The following PRTFDC1 variants were observed in gnomAD, a reference collection of about 807,000 sequenced individuals.
PRTFDC1 encodes the protein phosphoribosyltransferase domain-containing protein 1.
PRTFDC1 carries 38 observed loss-of-function variants against 34.6 expected under a neutral mutation model. The observed-to-expected ratio is 1.10, with a 90% CI of 0.85 to 1.44. PRTFDC1 has a LOEUF of 1.44. PRTFDC1 is among the 40% of genes most tolerant of loss of function. The pLI, the probability that PRTFDC1 is intolerant of heterozygous loss-of-function variation, is 0.00. For missense variants in PRTFDC1, 270 were observed against 283.0 expected (o/e 0.95, Z 0.33); for synonymous variants, 93 against 98.1 (o/e 0.95, Z 0.31).
At chr10:24,934,473 A>G (rs1236886251) in intron 3 of PRTFDC1, among the ~76,000 whole-genome samples, 1 of 152,196 alleles carries the variant, frequency 6.6e-6, no homozygotes, top group East Asian at 1.9e-4. Context: ...TGCTGATAGA[A>G]TAGACCCCTT....
In PRTFDC1 at chr10:24,943,252, A is replaced by G. The variant is rs182288353; in HGVS notation, c.49-816T>C. On this transcript the variant is annotated intron_variant, in intron 1 of 8. Coordinates refer to ENST00000320152, the MANE Select transcript of PRTFDC1 (RefSeq NM_020200.7). The stretch of plus-strand genomic sequence containing the variant: ...AGTAGACCCAAACTTTTGAATGTCT[A>G]GTCACTATAGTAAAGACTTTAAAAG... 4.1e-3 allele frequency among the ~76,000 whole-genome samples: 625 copies of G among 152,230 alleles called. 7 individuals carry two copies. Among genetic ancestry groups the G allele is most frequent in the African/African-American group, 0.014 (566 of 41,536 alleles).
intron 1 of PRTFDC1, among the ~76,000 whole-genome samples, chr10:24,946,473 C>G (rs1399164499): frequency 1.3e-5 from 2 of 152,018 alleles, no homozygotes; most frequent in Admixed American, 6.5e-5. Context: ...ACAAATGAAA[C>G]AAACCTATAA....
At chr10:24,858,487 A>C in intron 4 of PRTFDC1, 78 bp from the exon 5 acceptor site, 1 of 1,476,442 alleles carries the variant, frequency 6.8e-7, no homozygotes, top group South Asian at 1.1e-5. Flanking sequence ...TTTTGCTTAT[A>C]GTTAGAATTT....
At chr10:24,849,924 T>C (rs1296844082) in intron 8 of PRTFDC1, 33 bp from the exon 9 acceptor site, 2 of 1,608,852 alleles carry the variant, frequency 1.2e-6, no homozygotes, top group African/African-American at 2.7e-5. Context: ...CGCATCAGTT[T>C]CTTAACAAAA....
chr10:24,952,412 G>A lies in PRTFDC1; in HGVS notation c.48+116C>T, dbSNP rs1588631545. The A allele has an allele frequency of 4.6e-5, 57 of 1,226,468 alleles. 1 individual carries two copies. In the South Asian group the frequency reaches 7.5e-4, roughly 16 times the overall value. The allele number at this position is 1,226,468 out of a possible 1,614,324, so 76.0% of individuals were successfully genotyped here. On this transcript the variant is annotated intron_variant, in intron 1 of 8. Transcript: ENST00000320152. This position sits in a 1 kb window ranked among gnomAD's most constrained non-coding sequence, Gnocchi z 5.1. Reference sequence around the variant, plus strand: ...TGGAAGCGATCCCCGCCGGGAGGGAGAACAAAGCGGTGGCCCTCTCTCTCC... The same window carrying A: ...TGGAAGCGATCCCCGCCGGGAGGGAAAACAAAGCGGTGGCCCTCTCTCTCC...
chr10:24,936,611 C>T (rs1849055213), intron 3 of PRTFDC1, among the ~76,000 whole-genome samples: 1 of 152,160 alleles, frequency 6.6e-6, no homozygotes, highest in Admixed American at 6.5e-5. Flanking sequence ...AGAATAATTC[C>T]ATTAATTCTG....
chr10:24,888,816 A>G (rs1848213529), intron 3 of PRTFDC1, among the ~76,000 whole-genome samples: 1 of 152,220 alleles, frequency 6.6e-6, no homozygotes. Flanking sequence ...GTATCTCTAC[A>G]TAACTCAACA....
At chr10:24,927,905 C>T (rs1295368744) in intron 3 of PRTFDC1, among the ~76,000 whole-genome samples, 2 of 152,034 alleles carry the variant, frequency 1.3e-5, no homozygotes, top group South Asian at 2.1e-4. Flanking sequence ...TTTTAAATGA[C>T]CAAAGAGTAA....
intron 7 of PRTFDC1, among the ~76,000 whole-genome samples, chr10:24,854,793 G>A (rs1366633223): frequency 2.0e-5 from 3 of 152,114 alleles, no homozygotes; most frequent in South Asian, 2.1e-4. Flanking sequence ...AGGTGAAGGG[G>A]AGCTGTCTTA....
chr10:24,951,217 A>G (rs370037223), intron 1 of PRTFDC1, among the ~76,000 whole-genome samples: 3 of 152,004 alleles, frequency 2.0e-5, no homozygotes, highest in East Asian at 1.9e-4. Flanking sequence ...GAGCAAAAGC[A>G]TCACTCCCCC....
chr10:24,867,649 C>T (rs538324521), intron 4 of PRTFDC1: 1 of 152,056 alleles, frequency 6.6e-6, no homozygotes, highest in South Asian at 2.1e-4. Flanking sequence ...TTACCCCATT[C>T]CATATTTTTA....
intron 3 of PRTFDC1, among the ~76,000 whole-genome samples, chr10:24,903,817 C>T (rs1332080000): frequency 6.6e-6 from 1 of 151,112 alleles, no homozygotes; most frequent in Non-Finnish European, 1.5e-5. Flanking sequence ...GGACTACAAG[C>T]GAACACAACC....
chr10:24,851,596 G>C (rs1847490763), intron 7 of PRTFDC1, 132 bp from the exon 8 acceptor site: 1 of 1,393,778 alleles, frequency 7.2e-7, no homozygotes, highest in African/African-American at 1.4e-5. Flanking sequence ...GAGAAATGGT[G>C]AGAAATGCAC....
intron 3 of PRTFDC1, among the ~76,000 whole-genome samples, chr10:24,889,776 G>C (rs1283450383): frequency 6.6e-6 from 1 of 152,170 alleles, no homozygotes; most frequent in African/African-American, 2.4e-5. Flanking sequence ...TTTGATGTAG[G>C]CATGTTGATT....
At chr10:24,948,420 C>T (rs995966643) in intron 1 of PRTFDC1, among the ~76,000 whole-genome samples, 1 of 152,178 alleles carries the variant, frequency 6.6e-6, no homozygotes, top group Non-Finnish European at 1.5e-5. Flanking sequence ...AGCTCCAGAT[C>T]AAGTGACAAG....
intron 3 of PRTFDC1, among the ~76,000 whole-genome samples, chr10:24,889,115 G>T (rs375802022): frequency 1.3e-5 from 2 of 152,086 alleles, no homozygotes; most frequent in African/African-American, 4.8e-5. Flanking sequence ...GGTCATGAAG[G>T]CTGAGCCCTT....
rs530080078 is a variant in PRTFDC1, at chr10:24,882,044, T to C, written c.340-9981A>G. 3.3e-5 allele frequency among the ~76,000 whole-genome samples: 5 copies of C among 151,586 alleles called. No homozygotes were observed. In the East Asian group the frequency reaches 9.7e-4, roughly 30 times the overall value. ...CAACACGGTAAAACCCTGTCTCTAC[T>C]AAAAATACAAAAATTAGCCAGGTGT... On this transcript the variant is annotated intron_variant, in intron 3 of 8. Coordinates refer to ENST00000320152, the MANE Select transcript of PRTFDC1 (RefSeq NM_020200.7).
intron 2 of PRTFDC1, 93 bp downstream of exon 2, chr10:24,942,237 T>C (rs930832602): frequency 8.5e-5 from 87 of 1,018,838 alleles, no homozygotes; most frequent in Non-Finnish European, 1.3e-4. Context: ...AAAACGCAGC[T>C]CAGGAATAGG....
chr10:24,882,511 T>A (rs1317700603), intron 3 of PRTFDC1, among the ~76,000 whole-genome samples: 1 of 152,210 alleles, frequency 6.6e-6, no homozygotes, highest in Admixed American at 6.5e-5. Flanking sequence ...GTTAGCTGCA[T>A]TTTTAATGCT....
Sources: allele counts gnomAD v4.1 joint callset (sites outside exome capture counted in the v4.1 genomes callset), GRCh38; gene constraint gnomAD v4.1.1; non-coding constraint Gnocchi (gnomAD v3.1); transcripts MANE v1.5; gene names NCBI Gene and HGNC (gene_info 2026-07-23, HGNC 2026-07-21).